PDE1C: variants seen among roughly 807,000 people sequenced by gnomAD.
The protein encoded by PDE1C is dual specificity calcium/calmodulin-dependent 3',5'-cyclic nucleotide phosphodiesterase 1C.
Under a neutral mutation model 93.1 loss-of-function variants are expected in PDE1C, and 62 were observed. The ratio of observed to expected loss-of-function variants is 0.67; its 90% CI spans 0.54 to 0.82. The LOEUF (loss-of-function observed/expected upper bound fraction) is 0.82. Ranked by LOEUF, PDE1C falls within the 40% of genes least tolerant of loss-of-function variation. PDE1C has a pLI of 0.00. For missense variants in PDE1C, 742 were observed against 884.6 expected (o/e 0.84, Z 2.04); for synonymous variants, 325 against 310.1 (o/e 1.05, Z -0.50).
intron 1 of PDE1C, among the ~76,000 whole-genome samples, chr7:32,291,725 T>C (rs1046408047): frequency 6.6e-6 from 1 of 152,184 alleles, no homozygotes; most frequent in Non-Finnish European, 1.5e-5. Flanking sequence ...AAAGCATCCA[T>C]CACAAATCCC....
intron 16 of PDE1C, among the ~76,000 whole-genome samples, chr7:31,804,775 C>A (rs1350208512): frequency 6.6e-6 from 1 of 151,802 alleles, no homozygotes; most frequent in East Asian, 1.9e-4. Context: ...TAATTGCAAG[C>A]ACTGTGATAC....
the PDE1C span, chr7:31,643,351 G>A: frequency 6.2e-7 from 1 of 1,614,006 alleles, no homozygotes; most frequent in East Asian, 2.2e-5. Context: ...TCAAACATCT[G>A]AAAAGCTCAT....
intron 2 of PDE1C, among the ~76,000 whole-genome samples, chr7:32,008,728 G>A (rs904761075): frequency 1.3e-5 from 2 of 152,012 alleles, no homozygotes; most frequent in African/African-American, 4.8e-5. Flanking sequence ...CATCTGCACT[G>A]TTAGTGAACT....
intron 2 of PDE1C, among the ~76,000 whole-genome samples, chr7:31,992,521 C>A (rs1784264954): frequency 6.6e-6 from 1 of 152,150 alleles, no homozygotes; most frequent in South Asian, 2.1e-4. Flanking sequence ...GGATGTAAGC[C>A]AGGGAAATGT....
chr7:31,976,515 T>C (rs78722944), intron 2 of PDE1C, among the ~76,000 whole-genome samples: 2,520 of 152,326 alleles, frequency 0.017, 71 homozygotes, highest in African/African-American at 0.057. Flanking sequence ...ATGGTTTCTA[T>C]TAAATAGGTG....
At chr7:31,808,133 A>G (rs1787085619) in intron 16 of PDE1C, 1 of 439,764 alleles carries the variant, frequency 2.3e-6, no homozygotes, top group South Asian at 1.7e-5. Flanking sequence ...TTACGTTCCA[A>G]TTTATTCTTA....
chr7:31,631,775 T>C, the PDE1C span, among the ~76,000 whole-genome samples: 1 of 152,248 alleles, frequency 6.6e-6, no homozygotes, highest in Non-Finnish European at 1.5e-5. Context: ...AAATGTTACG[T>C]AGAAATCTTC....
chr7:32,347,537 A>G (rs573715517), intron 1 of PDE1C, among the ~76,000 whole-genome samples: 1 of 152,308 alleles, frequency 6.6e-6, no homozygotes, highest in East Asian at 1.9e-4. Flanking sequence ...TAAGGTACCT[A>G]ATCAGTTGAC....
the PDE1C span, among the ~76,000 whole-genome samples, chr7:31,627,669 A>AAAAAAAG: frequency 6.6e-6 from 1 of 151,336 alleles, no homozygotes; most frequent in Non-Finnish European, 1.5e-5. Flanking sequence ...CAAAAAAAAA[A>AAAAAAAG]AAAAAAAAAA....
At chr7:31,953,372 G>A (rs1807678957) in intron 2 of PDE1C, among the ~76,000 whole-genome samples, 2 of 152,102 alleles carry the variant, frequency 1.3e-5, no homozygotes, top group South Asian at 2.1e-4. Context: ...GGAGGCTTTG[G>A]ATTCTTCAAT....
At position 31,808,652 on chromosome 7, in the gene PDE1C, A is replaced by C. The variant is rs562031816; in HGVS notation, c.1891+379T>G. 4.9e-4 allele frequency among the ~76,000 whole-genome samples: 74 copies of C among 152,076 alleles called. 2 individuals carry two copies. In the South Asian group the frequency reaches 0.015, roughly 30 times the overall value. ...AACATGAAAACATAAAACATGGAAC[A>C]TTTCTTATTTATGCTGCATGATTCC... On this transcript the variant is annotated intron_variant, in intron 16 of 17. Coordinates refer to ENST00000396191, the MANE Select transcript of PDE1C (RefSeq NM_001191057.4).
At chr7:31,822,427 T>G (rs554153674) in intron 14 of PDE1C, among the ~76,000 whole-genome samples, 1 of 152,116 alleles carries the variant, frequency 6.6e-6, no homozygotes, top group Non-Finnish European at 1.5e-5. Flanking sequence ...TAGTCACAAA[T>G]GCACATATGA....
At chr7:32,304,764 T>C (rs1372871134) in intron 1 of PDE1C, among the ~76,000 whole-genome samples, 1 of 152,158 alleles carries the variant, frequency 6.6e-6, no homozygotes, top group Non-Finnish European at 1.5e-5. Flanking sequence ...TCATAAGAAA[T>C]GTGTGAGTTA....
the PDE1C span, among the ~76,000 whole-genome samples, chr7:31,729,038 AG>A: frequency 1.4e-4 from 22 of 152,350 alleles, no homozygotes; most frequent in Admixed American, 3.9e-4. Flanking sequence ...GACCTTAGGC[AG>A]GTGTCTTTAC....
chr7:32,380,689 C>T (rs986540253), intron 1 of PDE1C, among the ~76,000 whole-genome samples: 4 of 152,122 alleles, frequency 2.6e-5, no homozygotes, highest in Admixed American at 6.5e-5. Flanking sequence ...CTGTGACACA[C>T]TTGATCTCCA....
At chr7:31,823,947 T>C (rs1259786122) in intron 13 of PDE1C, among the ~76,000 whole-genome samples, 1 of 152,120 alleles carries the variant, frequency 6.6e-6, no homozygotes. Flanking sequence ...GCAGAATATA[T>C]TTCAGTCACT....
At chr7:31,721,997 C>G in the PDE1C span, among the ~76,000 whole-genome samples, 1 of 152,320 alleles carries the variant, frequency 6.6e-6, no homozygotes, top group South Asian at 2.1e-4. Context: ...AAGTATAACT[C>G]TTACGGCTCA....
chr7:32,230,448 T>G (rs948530713), intron 1 of PDE1C, among the ~76,000 whole-genome samples: 16 of 152,124 alleles, frequency 1.1e-4, no homozygotes, highest in African/African-American at 3.9e-4. Flanking sequence ...TGCAGCTTCC[T>G]TTCCAGAAAA....
intron 2 of PDE1C, among the ~76,000 whole-genome samples, chr7:32,006,881 T>C (rs1261321326): frequency 1.3e-5 from 2 of 152,212 alleles, no homozygotes; most frequent in Non-Finnish European, 2.9e-5. Flanking sequence ...ATCTTGGCTC[T>C]GCCACCCTCC....
Sources: allele counts gnomAD v4.1 joint callset (sites outside exome capture counted in the v4.1 genomes callset), GRCh38; gene constraint gnomAD v4.1.1; transcripts MANE v1.5; gene names NCBI Gene and HGNC (gene_info 2026-07-23, HGNC 2026-07-21).